Variants in DUSP22 observed in about 807,000 individuals in gnomAD.
The protein encoded by DUSP22 is dual specificity phosphatase 22.
A neutral mutation model predicts 24.5 loss-of-function variants in DUSP22; 24 were observed. The ratio of observed to expected loss-of-function variants is 0.98; its 90% confidence interval spans 0.71 to 1.38. DUSP22 has a LOEUF of 1.38. Ranked by LOEUF, DUSP22 falls within the 40% of genes most tolerant of loss-of-function variation. The pLI is 0.00. For missense variants in DUSP22, 330 were observed against 269.2 expected (o/e 1.23, Z -1.58); for synonymous variants, 160 against 106.4 (o/e 1.50, Z -3.10).
At chr6:302,633 C>A (rs1375044977) in intron 1 of DUSP22, among the ~76,000 whole-genome samples, 1 of 152,308 alleles carries the variant, frequency 6.6e-6, no homozygotes, top group East Asian at 1.9e-4. Context: ...GCCTGAGGAA[C>A]TTTAGCCACT....
chr6:327,021 G>T (rs1458111106), intron 3 of DUSP22, among the ~76,000 whole-genome samples: 1 of 152,306 alleles, frequency 6.6e-6, no homozygotes, highest in African/African-American at 2.4e-5. Context: ...TTCTGCTGCA[G>T]CTACTGTAGC....
At chr6:333,810 C>G (rs1302130120) in intron 3 of DUSP22, among the ~76,000 whole-genome samples, 3 of 152,296 alleles carry the variant, frequency 2.0e-5, no homozygotes, top group Non-Finnish European at 4.4e-5. Flanking sequence ...CTTCCCGGAT[C>G]CCACTCAGTA....
In DUSP22 at chr6:349,017, G is replaced by A. The variant is rs1202692605; in HGVS notation, c.*66G>A. On this transcript the variant is annotated 3_prime_UTR_variant, in exon 7 of 7. Transcript: ENST00000419235. Reference sequence around the variant, plus strand: ...AGTGTGCCCGGCTGGGCAGGGGTGCGGTGGTGGTGGCCGATGAGGACAGGA... The same window carrying A: ...AGTGTGCCCGGCTGGGCAGGGGTGCAGTGGTGGTGGCCGATGAGGACAGGA... The A allele has an allele frequency of 2.2e-5, 34 of 1,530,310 alleles. No individual in the cohort carries two copies. Among genetic ancestry groups the A allele is most frequent in the Middle Eastern group, 4.2e-4 (2 of 4,720 alleles). The allele number at this position is 1,530,310 out of a possible 1,614,324, so 94.8% of individuals were successfully genotyped here.
At chr6:309,076 T>A (rs1445544721) in intron 2 of DUSP22, among the ~76,000 whole-genome samples, 6 of 152,306 alleles carry the variant, frequency 3.9e-5, no homozygotes, top group South Asian at 2.1e-4. Context: ...TGGCTGCCTG[T>A]GGCTTCCAAA....
intron 1 of DUSP22, among the ~76,000 whole-genome samples, chr6:295,384 C>T (rs1460158173): frequency 3.3e-5 from 5 of 152,364 alleles, no homozygotes; most frequent in Non-Finnish European, 5.9e-5. Context: ...TCCTGTACGG[C>T]GGAATATTGT....
intron 3 of DUSP22, among the ~76,000 whole-genome samples, chr6:320,856 C>T (rs1213536332): frequency 2.0e-5 from 3 of 152,298 alleles, no homozygotes; most frequent in African/African-American, 4.8e-5. Context: ...CTTTTGGCTA[C>T]GTTGGAAGTT....
chr6:314,572 G>T (rs1171852709), intron 3 of DUSP22, among the ~76,000 whole-genome samples: 2 of 152,304 alleles, frequency 1.3e-5, no homozygotes, highest in East Asian at 1.9e-4. Context: ...GTGAGAGAGG[G>T]TATTCATATT....
rs1758626957 is a variant in DUSP22 at position 322,202 on chromosome 6, T to C, written c.138+10240T>C. The stretch of plus-strand genomic sequence containing the variant: ...AAGCCATTGCTCTTAAATAAAACCA[T>C]GGGAGAAAATGCTAGGACAGCATGA... On this transcript the variant is annotated intron_variant, in intron 3 of 6. Coordinates refer to ENST00000419235, the MANE Select transcript of DUSP22 (RefSeq NM_001286555.3). Among the ~76,000 whole-genome samples the C allele has an allele frequency of 2.6e-5, 4 of 152,296 alleles. No individual in the cohort carries two copies. The South Asian group carries it at 8.3e-4, about 32-fold the overall frequency.
At chr6:322,844 GC>G (rs1419489381) in intron 3 of DUSP22, among the ~76,000 whole-genome samples, 10 of 138,128 alleles carry the variant, frequency 7.2e-5, no homozygotes, top group African/African-American at 1.6e-4. Context: ...GCGGGGGGGG[GC>G]CTTCGAGTCT....
At chr6:336,436 G>A (rs1276719069) in intron 4 of DUSP22, among the ~76,000 whole-genome samples, 1 of 152,300 alleles carries the variant, frequency 6.6e-6, no homozygotes, top group Non-Finnish European at 1.5e-5. Context: ...AGGACCCTAG[G>A]TGTGCCACCA....
chr6:335,186 A>G (rs755548706), intron 4 of DUSP22, 23 bp downstream of exon 4: 2 of 1,610,010 alleles, frequency 1.2e-6, no homozygotes, highest in East Asian at 4.5e-5. Flanking sequence ...TTTCTGTATT[A>G]TTTGGAGACA....
intron 3 of DUSP22, among the ~76,000 whole-genome samples, chr6:321,775 A>G (rs909705224): frequency 6.6e-6 from 1 of 152,308 alleles, no homozygotes; most frequent in Non-Finnish European, 1.5e-5. Flanking sequence ...ACAGCCATAA[A>G]CTCATCAGAC....
chr6:305,655 C>T (rs1037302848), intron 2 of DUSP22, among the ~76,000 whole-genome samples: 1 of 152,298 alleles, frequency 6.6e-6, no homozygotes, highest in African/African-American at 2.4e-5. Context: ...CAGGGAGGGG[C>T]CAAGTCCCCC....
chr6:346,900 T>C (rs1184229666), intron 5 of DUSP22, among the ~76,000 whole-genome samples: 1 of 152,302 alleles, frequency 6.6e-6, no homozygotes, highest in African/African-American at 2.4e-5. Context: ...AACTATAATG[T>C]GTTCTGAGGG....
intron 3 of DUSP22, among the ~76,000 whole-genome samples, chr6:318,131 C>T (rs1267065019): frequency 6.6e-6 from 1 of 152,306 alleles, no homozygotes; most frequent in Non-Finnish European, 1.5e-5. Context: ...ATGATCTTTT[C>T]CTAAGTTGTT....
At position 349,985 on chromosome 6, in the gene DUSP22, G is replaced by A; in HGVS notation, c.*1034G>A. 1 of 985,724 alleles carries A rather than the reference G, an allele frequency of 1.0e-6. No homozygotes were observed. Among genetic ancestry groups the A allele is most frequent in the Non-Finnish European group, 1.2e-6 (1 of 830,040 alleles). The allele number at this position is 985,724 out of a possible 1,614,324, so 61.1% of individuals were successfully genotyped here. The stretch of plus-strand genomic sequence containing the variant: ...CATTTGCATGCACCTGCAAGAATTG[G>A]GAAGAAAGAGCATTTATTAGGCACT... On this transcript the variant is annotated 3_prime_UTR_variant, in exon 7 of 7. Coordinates refer to ENST00000419235, the MANE Select transcript of DUSP22 (RefSeq NM_001286555.3).
chr6:295,347 G>A (rs1327527348), intron 1 of DUSP22, among the ~76,000 whole-genome samples: 1 of 152,290 alleles, frequency 6.6e-6, no homozygotes, highest in African/African-American at 2.4e-5. Flanking sequence ...TCCCTGTGGT[G>A]GCTCTTCTTG....
chr6:344,959 A>AT (rs1331527593), intron 4 of DUSP22, among the ~76,000 whole-genome samples: 4 of 152,420 alleles, frequency 2.6e-5, no homozygotes, highest in Non-Finnish European at 5.9e-5. Flanking sequence ...CTGCTGGGGC[A>AT]TTGAGGGGCT....
At chr6:322,510 A>G (rs1347112341) in intron 3 of DUSP22, among the ~76,000 whole-genome samples, 1 of 152,296 alleles carries the variant, frequency 6.6e-6, no homozygotes, top group Non-Finnish European at 1.5e-5. Flanking sequence ...ACCCAAGAAG[A>G]CCCTCGTGTT....
Sources: allele counts gnomAD v4.1 joint callset (sites outside exome capture counted in the v4.1 genomes callset), GRCh38; gene constraint gnomAD v4.1.1; transcripts MANE v1.5; gene names NCBI Gene and HGNC (gene_info 2026-07-23, HGNC 2026-07-21).